SBF2: variants seen among roughly 807,000 people sequenced by gnomAD.
The protein encoded by SBF2 is myotubularin-related protein 13.
In SBF2, 112 loss-of-function variants were observed where a neutral mutation model predicts 225.2. The observed-to-expected ratio is 0.50, with a 90% CI of 0.43 to 0.58. The LOEUF (loss-of-function observed/expected upper bound fraction) is 0.58, where lower values mean the gene tolerates loss of function less well. SBF2 is among the 20% of genes least tolerant of loss of function. The probability of loss-of-function intolerance (pLI) is 0.00; values close to 1 mark genes in which losing one functional copy is unlikely to be tolerated. For missense variants in SBF2, 1,996 were observed against 2,206.2 expected, an observed-to-expected ratio of 0.90 and a Z score of 1.91; for synonymous variants, 763 against 773.3, an observed-to-expected ratio of 0.99 and a Z score of 0.22.
At chr11:10,186,601 G>C (rs938291930) in intron 2 of SBF2, among the ~76,000 whole-genome samples, 10 of 152,112 alleles carry the variant, frequency 6.6e-5, no homozygotes, top group Non-Finnish European at 8.8e-5. Flanking sequence ...GTTATCTAGG[G>C]GTTTTAATGG....
chr11:9,962,591 C>G (rs2403227), intron 15 of SBF2, among the ~76,000 whole-genome samples: 38,466 of 152,014 alleles, frequency 0.25, 5,446 homozygotes, highest in Admixed American at 0.35. Flanking sequence ...ACAATCTCTT[C>G]TCATTTAAAT....
intron 36 of SBF2, among the ~76,000 whole-genome samples, chr11:9,786,992 T>G (rs1326879664): frequency 6.6e-6 from 1 of 152,096 alleles, no homozygotes; most frequent in African/African-American, 2.4e-5. Flanking sequence ...GCCTCCTGAG[T>G]TCAAGAGATT....
At chr11:10,060,302 C>T (rs1333553678) in intron 2 of SBF2, among the ~76,000 whole-genome samples, 2 of 152,114 alleles carry the variant, frequency 1.3e-5, no homozygotes, top group Non-Finnish European at 2.9e-5. Context: ...AATTCCTGGA[C>T]ACATATACCC....
chr11:10,281,907 T>G (rs1475063313), intron 1 of SBF2, among the ~76,000 whole-genome samples: 1 of 152,164 alleles, frequency 6.6e-6, no homozygotes, highest in Non-Finnish European at 1.5e-5. Flanking sequence ...TCTGCAATTT[T>G]GAAGTTGCCT....
chr11:9,862,739 ATTT>A (rs562151948), intron 17 of SBF2, among the ~76,000 whole-genome samples: 4 of 152,042 alleles, frequency 2.6e-5, no homozygotes, highest in Non-Finnish European at 2.9e-5. Context: ...ATTTAAAAAA[ATTT>A]TTTTTATTAT....
intron 1 of SBF2, among the ~76,000 whole-genome samples, chr11:10,211,416 G>C (rs966143816): frequency 6.6e-6 from 1 of 152,170 alleles, no homozygotes; most frequent in Non-Finnish European, 1.5e-5. Flanking sequence ...TGGTAGCAGT[G>C]AATACAAGAT....
Position 9,944,507 on chromosome 11 carries a change from A to G in SBF2, c.1860+17450T>C, listed in dbSNP as rs1055219237. On this transcript the variant is annotated intron_variant, in intron 16 of 39. Transcript: ENST00000256190. ...TCGTGTTTGACTAGCAAAAACACAC[A>G]TTACTACATATTATGGATATTTTCA... 3.9e-5 allele frequency among the ~76,000 whole-genome samples: 6 copies of G among 152,242 alleles called. No individual in the cohort carries two copies. In the South Asian group the frequency reaches 6.2e-4, roughly 16 times the overall value.
At chr11:9,952,227 C>T (rs1865898572) in intron 16 of SBF2, among the ~76,000 whole-genome samples, 1 of 144,088 alleles carries the variant, frequency 6.9e-6, no homozygotes, top group Admixed American at 7.3e-5. Flanking sequence ...ATGACAGCCT[C>T]TCTCTCATAA....
chr11:10,145,738 T>C (rs1039039700), intron 2 of SBF2, among the ~76,000 whole-genome samples: 1 of 152,192 alleles, frequency 6.6e-6, no homozygotes, highest in Non-Finnish European at 1.5e-5. Flanking sequence ...TGCTCTATAC[T>C]AATGTCACAA....
intron 1 of SBF2, among the ~76,000 whole-genome samples, chr11:10,233,929 T>C (rs1417828392): frequency 1.3e-5 from 2 of 152,200 alleles, no homozygotes; most frequent in African/African-American, 2.4e-5. Context: ...GAGACTCCCC[T>C]GGCCCTATGT....
In SBF2 at chr11:10,294,133, G is replaced by A. The variant is rs1010047569; in HGVS notation, c.-64C>T. 7 of 1,204,872 alleles carry A rather than the reference G, an allele frequency of 5.8e-6. No homozygotes were observed. Among genetic ancestry groups the A allele is most frequent in the Non-Finnish European group, 7.4e-6 (7 of 941,486 alleles). The allele number at this position is 1,204,872 out of a possible 1,614,324, so 74.6% of individuals were successfully genotyped here. The stretch of plus-strand genomic sequence containing the variant: ...CCGCCCTCGCCGCCGCCGCCCACCC[G>A]GCCCGGGAGGGCTCAGCATTTTCCC... On this transcript the variant is annotated 5_prime_UTR_variant, in exon 1 of 40. Coordinates refer to ENST00000256190, the MANE Select transcript of SBF2 (RefSeq NM_030962.4).
intron 2 of SBF2, among the ~76,000 whole-genome samples, chr11:10,054,556 A>G (rs1399101401): frequency 6.6e-6 from 1 of 152,200 alleles, no homozygotes; most frequent in East Asian, 1.9e-4. Flanking sequence ...AAATAAATGA[A>G]GCAGACCTAA....
At chr11:9,841,978 G>A (rs565576477) in intron 25 of SBF2, among the ~76,000 whole-genome samples, 3 of 151,840 alleles carry the variant, frequency 2.0e-5, no homozygotes, top group Admixed American at 1.3e-4. Flanking sequence ...AGATCCTGAG[G>A]GGAAAAAAAG....
In SBF2 at chr11:10,034,682, T is replaced by C. The variant is rs186266233; in HGVS notation, c.280-3512A>G. Among the ~76,000 whole-genome samples the C allele has an allele frequency of 4.0e-3, 614 of 152,318 alleles. 6 individuals are homozygous for C. Among genetic ancestry groups the C allele is most frequent in the African/African-American group, 0.014 (582 of 41,578 alleles). ...AATCAGTTATAAAAGGAGGATAAAA[T>C]TAATTCCACAAGTAAAAAATTTTCA... On this transcript the variant is annotated intron_variant, in intron 3 of 39. Coordinates refer to ENST00000256190, the MANE Select transcript of SBF2 (RefSeq NM_030962.4).
chr11:10,216,778 G>T (rs1958149181), intron 1 of SBF2, among the ~76,000 whole-genome samples: 1 of 152,174 alleles, frequency 6.6e-6, no homozygotes, highest in Non-Finnish European at 1.5e-5. Flanking sequence ...GCTGAGGCAG[G>T]AGAATCGCTT....
chr11:9,910,580 A>G (rs1343360215), intron 16 of SBF2, among the ~76,000 whole-genome samples: 2 of 152,102 alleles, frequency 1.3e-5, no homozygotes, highest in Admixed American at 6.6e-5. Flanking sequence ...CTGCCCCTGA[A>G]GAACTTCCAG....
intron 16 of SBF2, among the ~76,000 whole-genome samples, chr11:9,949,330 T>C (rs946040900): frequency 6.6e-6 from 1 of 152,182 alleles, no homozygotes; most frequent in Non-Finnish European, 1.5e-5. Flanking sequence ...TAATGACAGC[T>C]ACTGACACAC....
intron 1 of SBF2, among the ~76,000 whole-genome samples, chr11:10,245,903 T>C (rs898285261): frequency 2.0e-5 from 3 of 152,292 alleles, no homozygotes; most frequent in Admixed American, 1.3e-4. Flanking sequence ...GAAGGACAAA[T>C]ACCATTTATA....
At chr11:10,046,804 T>C (rs1590830881) in intron 2 of SBF2, among the ~76,000 whole-genome samples, 1 of 145,236 alleles carries the variant, frequency 6.9e-6, no homozygotes, top group East Asian at 2.0e-4. Context: ...AAAAAGTATA[T>C]ATATTGGGAG....
Sources: gnomAD v4.1 joint callset for allele counts (sites outside exome capture counted in the v4.1 genomes callset) on GRCh38, gnomAD v4.1.1 for gene constraint, MANE v1.5 for transcripts, NCBI Gene and HGNC (gene_info 2026-07-23, HGNC 2026-07-21) for gene names.